Variants in CCDC125 observed in about 807,000 individuals in gnomAD.
The protein encoded by CCDC125 is coiled-coil domain-containing protein 125.
A neutral mutation model predicts 57.4 loss-of-function variants in CCDC125; 43 were observed. That is an observed-to-expected ratio of 0.75 (90% CI 0.59 to 0.97). The LOEUF is 0.97. Among genes scored for constraint, CCDC125 ranks in the 50% least tolerant of loss-of-function variants. CCDC125 has a pLI of 0.00. For synonymous variants in CCDC125, 187 were observed against 195.2 expected, an observed-to-expected ratio of 0.96 and a Z score of 0.35; for missense variants, 563 against 595.7, an observed-to-expected ratio of 0.95 and a Z score of 0.57.
downstream of CCDC125, among the ~76,000 whole-genome samples, chr5:69,277,860 T>G (rs1255934301): frequency 6.6e-6 from 1 of 151,982 alleles, no homozygotes; most frequent in Non-Finnish European, 1.5e-5. Context: ...AAGAAAACAT[T>G]ACAGATAAAA....
At chr5:69,305,363 C>A (rs1305456817) in intron 6 of CCDC125, among the ~76,000 whole-genome samples, 1 of 151,994 alleles carries the variant, frequency 6.6e-6, no homozygotes, top group Non-Finnish European at 1.5e-5. Flanking sequence ...CAGGTGTGTG[C>A]CACCACGCCC....
chr5:69,316,623 T>C (rs1307272798), intron 2 of CCDC125, among the ~76,000 whole-genome samples: 4 of 152,212 alleles, frequency 2.6e-5, no homozygotes, highest in Non-Finnish European at 4.4e-5. Context: ...GCAGTGCTCC[T>C]GCATCAGCTT....
intron 4 of CCDC125, chr5:69,309,340 C>G (rs1210776523): frequency 6.6e-6 from 1 of 152,280 alleles, no homozygotes; most frequent in Non-Finnish European, 1.5e-5. Flanking sequence ...GGCCCAGGGT[C>G]CCCGTGCTGT....
intron 1 of CCDC125, among the ~76,000 whole-genome samples, chr5:69,328,162 C>T (rs1288093822): frequency 6.6e-6 from 1 of 152,164 alleles, no homozygotes; most frequent in East Asian, 1.9e-4. Context: ...TGCCAAAGTG[C>T]TGGGATTATA....
chr5:69,314,448 G>A lies in CCDC125; in HGVS notation c.305-402C>T, dbSNP rs969018343. On this transcript the variant is annotated intron_variant, in intron 2 of 11. Coordinates refer to ENST00000396496, the MANE Select transcript of CCDC125 (RefSeq NM_176816.5). ...CCACTGTATTCCAGCCTGGGTGATA[G>A]AGTAACTCTGTTTCAAAAAAAAAAA... Among the ~76,000 whole-genome samples the A allele has an allele frequency of 7.0e-5, 10 of 142,352 alleles. No homozygotes were observed. The Admixed American group carries it at 7.2e-4, about 10-fold the overall frequency. 93.4% of individuals were successfully genotyped at this position (142,352 alleles called of 152,430 possible).
Position 69,294,786 on chromosome 5 carries a change from G to A in CCDC125, c.924+7C>T, listed in dbSNP as rs200704140. On this transcript the variant is annotated splice_region_variant and intron_variant, in intron 9 of 11. Transcript: ENST00000396496. ...CTAAAGCTTTTGCTGTTGTGATAAC[G>A]CAATACCTCTTGTTTGAGCTGAAGA... 46 of 1,596,140 alleles carry A rather than the reference G, an allele frequency of 2.9e-5. No homozygotes were observed. The South Asian group carries it at 3.6e-4, about 13-fold the overall frequency.
chr5:69,296,858 G>T (rs1355654442), intron 8 of CCDC125, among the ~76,000 whole-genome samples: 1 of 151,832 alleles, frequency 6.6e-6, no homozygotes, highest in Non-Finnish European at 1.5e-5. Context: ...CAGCTACTCG[G>T]GAGGCTGAGG....
chr5:69,313,625 G>A (rs1251882610), intron 3 of CCDC125: 27 of 734,914 alleles, frequency 3.7e-5, no homozygotes, highest in Middle Eastern at 2.4e-4. Flanking sequence ...CATAGAGGGC[G>A]TAGAGGCAAT....
At chr5:69,326,015 T>C (rs2150660613) in intron 1 of CCDC125, among the ~76,000 whole-genome samples, 1 of 152,100 alleles carries the variant, frequency 6.6e-6, no homozygotes, top group East Asian at 1.9e-4. Context: ...GGCTAATTTT[T>C]AATTCATTTT....
chr5:69,281,914 G>C lies in CCDC125; in HGVS notation c.*815C>G, dbSNP rs1752516898. The C allele has an allele frequency of 6.8e-6, 1 of 148,006 alleles. No homozygotes were observed. Among genetic ancestry groups the C allele is most frequent in the East Asian group, 2.0e-4 (1 of 5,082 alleles). 9.2% of individuals were successfully genotyped at this position (148,006 alleles called of 1,614,324 possible). On this transcript the variant is annotated 3_prime_UTR_variant, in exon 12 of 12. Coordinates refer to ENST00000396496, the MANE Select transcript of CCDC125 (RefSeq NM_176816.5). ...TGTGTTTTTTTTTTTTTTTGAGACA[G>C]AGTTTCGCTCTTGTCGCCCAGGCTG...
intron 7 of CCDC125, among the ~76,000 whole-genome samples, chr5:69,302,083 AAAAT>A (rs1229125366): frequency 6.6e-6 from 1 of 151,598 alleles, no homozygotes; most frequent in East Asian, 1.9e-4. Flanking sequence ...ACCCTGTGTG[AAAAT>A]AAATAAATAA....
At chr5:69,315,760 C>CAAAAAA (rs749999748) in intron 2 of CCDC125, among the ~76,000 whole-genome samples, 1 of 88,132 alleles carries the variant, frequency 1.1e-5, no homozygotes, top group Non-Finnish European at 2.2e-5. Flanking sequence ...AACTCCGTCT[C>CAAAAAA]AAAAAAAAAA....
At chr5:69,303,043 C>T (rs144247963) in intron 7 of CCDC125, among the ~76,000 whole-genome samples, 5 of 152,078 alleles carry the variant, frequency 3.3e-5, no homozygotes, top group South Asian at 4.1e-4. Context: ...TTTTCGAGAC[C>T]GAGTTTCGCT....
In CCDC125 at chr5:69,314,059, G is replaced by A. The variant is rs778972967; in HGVS notation, c.305-13C>T. Reference sequence around the variant, plus strand: ...GAATTCGAATCTACTTGGGAGGGAGGAGAAAAGAATCTATTAGGGGAAAAA... The same window carrying A: ...GAATTCGAATCTACTTGGGAGGGAGAAGAAAAGAATCTATTAGGGGAAAAA... On this transcript the variant is annotated splice_polypyrimidine_tract_variant and intron_variant, in intron 2 of 11. Coordinates refer to ENST00000396496, the MANE Select transcript of CCDC125 (RefSeq NM_176816.5). The A allele has an allele frequency of 6.3e-7, 1 of 1,577,616 alleles. No individual in the cohort carries two copies. Among genetic ancestry groups the A allele is most frequent in the Non-Finnish European group, 8.7e-7 (1 of 1,147,256 alleles).
In CCDC125 at chr5:69,285,395, G is replaced by A; in HGVS notation, c.1172C>T (p.Ser391Phe). 1 of 1,612,450 alleles carries A rather than the reference G, an allele frequency of 6.2e-7. No homozygotes were observed. Among genetic ancestry groups the A allele is most frequent in the Non-Finnish European group, 8.5e-7 (1 of 1,179,422 alleles). The change falls in exon 11 of 12, where the codon TCT (serine) becomes TTT (phenylalanine). Residue 391 changes from serine to phenylalanine, a missense_variant. Transcript: ENST00000396496. Reference sequence around the variant, plus strand: ...ACTGTCCTGGTCTTCCATCCTCTTAGAACTGTTTTCTGAAGGGAGCATACC... The same window carrying A: ...ACTGTCCTGGTCTTCCATCCTCTTAAAACTGTTTTCTGAAGGGAGCATACC... ...LLGMLPSENS[S>F]KRMEDQDSPQ... is the part of the protein sequence containing the mutation.
At chr5:69,291,527 G>C (rs1754459648) in intron 10 of CCDC125, among the ~76,000 whole-genome samples, 1 of 152,020 alleles carries the variant, frequency 6.6e-6, no homozygotes, top group Non-Finnish European at 1.5e-5. Context: ...GCTAATTTTT[G>C]TGTTTTTAGT....
At chr5:69,286,890 G>A (rs1014898528) in intron 10 of CCDC125, among the ~76,000 whole-genome samples, 3 of 150,950 alleles carry the variant, frequency 2.0e-5, no homozygotes, top group African/African-American at 7.3e-5. Context: ...ACTTTGATGA[G>A]TAGATGAATC....
chr5:69,286,357 G>T (rs548658035), intron 10 of CCDC125, among the ~76,000 whole-genome samples: 1 of 149,834 alleles, frequency 6.7e-6, no homozygotes, highest in Non-Finnish European at 1.5e-5. Context: ...TCAGCCTCCC[G>T]AGTAGCTGGG....
At chr5:69,309,204 G>A (rs949752489) in intron 4 of CCDC125, 1 of 152,206 alleles carries the variant, frequency 6.6e-6, no homozygotes, top group Admixed American at 6.5e-5. Flanking sequence ...CATAAGTAAT[G>A]AGGAGCCAAA....
Sources: allele counts gnomAD v4.1 joint callset (sites outside exome capture counted in the v4.1 genomes callset), GRCh38; gene constraint gnomAD v4.1.1; transcripts MANE v1.5; gene names NCBI Gene and HGNC (gene_info 2026-07-23, HGNC 2026-07-21).